Variants in KHDRBS2 observed in about 807,000 individuals in gnomAD.
The protein encoded by KHDRBS2 is KH domain-containing, RNA-binding, signal transduction-associated protein 2.
Under a neutral mutation model 44.3 loss-of-function variants are expected in KHDRBS2, and 26 were observed. The observed-to-expected ratio is 0.59, with a 90% CI of 0.43 to 0.81. KHDRBS2 has a LOEUF of 0.81. Among genes scored for constraint, KHDRBS2 ranks in the 40% least tolerant of loss-of-function variants. The pLI is 0.00. For missense variants in KHDRBS2, 476 were observed against 433.1 expected, an observed-to-expected ratio of 1.10 and a Z score of -0.88; for synonymous variants, 194 against 151.1, an observed-to-expected ratio of 1.28 and a Z score of -2.08.
chr6:61,560,837 T>A, the KHDRBS2 span, among the ~76,000 whole-genome samples: 1 of 152,212 alleles, frequency 6.6e-6, no homozygotes, highest in East Asian at 1.9e-4. Context: ...GTTCATTTGC[T>A]GAGAACATGT....
chr6:61,912,282 C>G (rs1041558179), intron 4 of KHDRBS2, among the ~76,000 whole-genome samples: 1 of 151,946 alleles, frequency 6.6e-6, no homozygotes, highest in Non-Finnish European at 1.5e-5. Flanking sequence ...AAAGTTCCCC[C>G]CAAAAAAGAT....
chr6:61,642,592 C>A, the KHDRBS2 span, among the ~76,000 whole-genome samples: 1 of 148,990 alleles, frequency 6.7e-6, no homozygotes, highest in Admixed American at 6.7e-5. Context: ...AGCCTGGGAG[C>A]AGAGGTTGCA....
At chr6:61,764,855 T>C (rs2127573927) in intron 6 of KHDRBS2, among the ~76,000 whole-genome samples, 1 of 152,288 alleles carries the variant, frequency 6.6e-6, no homozygotes, top group Middle Eastern at 3.4e-3. Context: ...TGATAGTTTC[T>C]TTTGCTGTGT....
At chr6:61,900,531 G>T (rs1247778181) in intron 5 of KHDRBS2, among the ~76,000 whole-genome samples, 1 of 152,026 alleles carries the variant, frequency 6.6e-6, no homozygotes, top group East Asian at 1.9e-4. Context: ...GAACAATTCA[G>T]AATCCTGCAA....
intron 3 of KHDRBS2, among the ~76,000 whole-genome samples, chr6:62,037,544 C>T (rs1290478050): frequency 6.6e-6 from 1 of 151,596 alleles, no homozygotes; most frequent in East Asian, 1.9e-4. Flanking sequence ...CTGCAAAACA[C>T]CCAAAAACGA....
chr6:62,232,071 G>T (rs1278504141), intron 1 of KHDRBS2, among the ~76,000 whole-genome samples: 2 of 152,026 alleles, frequency 1.3e-5, no homozygotes, highest in Non-Finnish European at 2.9e-5. Context: ...GAGTTACACT[G>T]TCATTTTTAG....
chr6:61,829,405 C>G (rs1000979108), intron 6 of KHDRBS2, among the ~76,000 whole-genome samples: 2 of 152,166 alleles, frequency 1.3e-5, no homozygotes, highest in African/African-American at 4.8e-5. Context: ...CTCAGGGAAT[C>G]TGCCTGCCTT....
chr6:62,055,503 A>G (rs1790063104), intron 2 of KHDRBS2, among the ~76,000 whole-genome samples: 1 of 152,040 alleles, frequency 6.6e-6, no homozygotes, highest in African/African-American at 2.4e-5. Context: ...GAATACAACC[A>G]TAATGGCAGT....
At chr6:61,782,689 GTATATATATATATATATATATATATATA>G (rs70993182) in intron 6 of KHDRBS2, among the ~76,000 whole-genome samples, 19 of 111,138 alleles carry the variant, frequency 1.7e-4, no homozygotes, top group South Asian at 9.3e-4. Flanking sequence ...TAAAGGTTGT[GTATATATATATATATATATATATATATA>G]TATATATATA....
rs575224817 is a variant in KHDRBS2 at position 62,211,907 on chromosome 6, A to G, written c.92-34595T>C. On this transcript the variant is annotated intron_variant, in intron 1 of 8. Transcript: ENST00000281156. ...AATAGTAAAGACATGGAATCAACCT[A>G]AATGTCCATCAGTGGTAGACTGGAT... Among the ~76,000 whole-genome samples the G allele has an allele frequency of 8.7e-4, 133 of 152,350 alleles. No individual in the cohort carries two copies. In the Middle Eastern group the frequency reaches 0.01, roughly 12 times the overall value.
At position 61,894,602 on chromosome 6, in the gene KHDRBS2, C is replaced by T. The variant is rs748841185; in HGVS notation, c.810+33G>A. The T allele has an allele frequency of 7.7e-6, 12 of 1,555,262 alleles. No individual in the cohort carries two copies. The East Asian group carries it at 2.5e-4, about 32-fold the overall frequency. On this transcript the variant is annotated intron_variant, in intron 6 of 8. Coordinates refer to ENST00000281156, the MANE Select transcript of KHDRBS2 (RefSeq NM_152688.4). ...AGCTTGTTAACTAATCAATTTAACT[C>T]ATCCTTACAACTTATTTCTTAAGAG... is the stretch of plus-strand genomic sequence containing the variant.
At chr6:61,681,145 A>C in intron 8 of KHDRBS2, 85 bp from the exon 9 acceptor site, 1 of 858,718 alleles carries the variant, frequency 1.2e-6, no homozygotes. Flanking sequence ...TTGACCGAGA[A>C]AAAGAAAACA....
At chr6:61,649,047 G>C in the KHDRBS2 span, among the ~76,000 whole-genome samples, 1 of 152,130 alleles carries the variant, frequency 6.6e-6, no homozygotes, top group Non-Finnish European at 1.5e-5. Flanking sequence ...AGCTTTACCG[G>C]GGGCTGCTTT....
intron 2 of KHDRBS2, among the ~76,000 whole-genome samples, chr6:62,095,810 A>C (rs562431124): frequency 3.3e-5 from 5 of 152,014 alleles, no homozygotes; most frequent in Admixed American, 3.3e-4. Flanking sequence ...CTTAGAGAGA[A>C]AGTTTTCAGC....
intron 6 of KHDRBS2, among the ~76,000 whole-genome samples, chr6:61,866,363 C>T (rs1333765490): frequency 6.6e-6 from 1 of 152,222 alleles, no homozygotes; most frequent in Admixed American, 6.5e-5. Context: ...CACTCTGAGG[C>T]CACGGTCCGA....
At chr6:62,224,420 G>T (rs1186686471) in intron 1 of KHDRBS2, among the ~76,000 whole-genome samples, 4 of 152,134 alleles carry the variant, frequency 2.6e-5, no homozygotes, top group Admixed American at 2.6e-4. Context: ...GTGTGTGTGT[G>T]TAAAGTGTAG....
the KHDRBS2 span, among the ~76,000 whole-genome samples, chr6:61,603,430 T>C: frequency 6.6e-6 from 1 of 152,154 alleles, no homozygotes; most frequent in Non-Finnish European, 1.5e-5. Flanking sequence ...CTGACACCCA[T>C]CAGGCTCAGC....
intron 6 of KHDRBS2, among the ~76,000 whole-genome samples, chr6:61,889,750 C>A (rs1311003290): frequency 1.3e-5 from 2 of 152,168 alleles, no homozygotes; most frequent in Non-Finnish European, 2.9e-5. Context: ...TCTGCACGCT[C>A]CAACAGCACC....
rs146341529 is a variant in KHDRBS2, at chr6:62,112,814, A to C, written c.219+64371T>G. Among the ~76,000 whole-genome samples the C allele has an allele frequency of 3.1e-4, 47 of 152,274 alleles. No homozygotes were observed. In the East Asian group the frequency reaches 8.9e-3, roughly 29 times the overall value. ...AATGGTGCGATATAATATTGTTAGA[A>C]TAACAGAGCAATTGGTGCATCAAAA... On this transcript the variant is annotated intron_variant, in intron 2 of 8. Transcript: ENST00000281156.
Sources: gnomAD v4.1 joint callset for allele counts (sites outside exome capture counted in the v4.1 genomes callset) on GRCh38, gnomAD v4.1.1 for gene constraint, MANE v1.5 for transcripts, NCBI Gene and HGNC (gene_info 2026-07-23, HGNC 2026-07-21) for gene names.